PCLO: variants seen among roughly 807,000 people sequenced by gnomAD.
The protein encoded by PCLO is protein piccolo.
Under a neutral mutation model 427.5 loss-of-function variants are expected in PCLO, and 82 were observed. The ratio of observed to expected loss-of-function variants is 0.19; its 90% confidence interval spans 0.16 to 0.23. The LOEUF (loss-of-function observed/expected upper bound fraction) is 0.23. Ranked by LOEUF, PCLO falls within the 10% of genes least tolerant of loss-of-function variation. The pLI, the probability that PCLO is intolerant of heterozygous loss-of-function variation, is 1.00. For missense variants in PCLO, 6,239 were observed against 6,115.9 expected (o/e 1.02, Z -0.67); for synonymous variants, 2,357 against 2,155.4 (o/e 1.09, Z -2.59).
intron 3 of PCLO, among the ~76,000 whole-genome samples, chr7:83,092,088 A>G (rs1790391610): frequency 6.6e-6 from 1 of 152,206 alleles, no homozygotes; most frequent in African/African-American, 2.4e-5. Context: ...ATGAATTTTT[A>G]AAATTCAACT....
In PCLO at chr7:82,916,552, G is replaced by A; in HGVS notation, c.11434C>T (p.Leu3812=). 6.2e-7 allele frequency: 1 copy of A among 1,613,556 alleles called. No homozygotes were observed. Among genetic ancestry groups the A allele is most frequent in the South Asian group, 1.1e-5 (1 of 91,084 alleles). The change falls in exon 7 of 25, where the codon CTA becomes TTA. Residue 3812 remains leucine (L), a synonymous_variant. Transcript: ENST00000333891. ...TCTCTCTTTTCTCTCTCCTTTAATA[G>A]GGCCTCTTTCCTCCTGTTAATTCCC... ...EMGINRRKEA[L]LKEREKRERA...
intron 3 of PCLO, among the ~76,000 whole-genome samples, chr7:83,083,365 T>C (rs931899427): frequency 1.3e-5 from 2 of 151,988 alleles, no homozygotes; most frequent in African/African-American, 4.8e-5. Flanking sequence ...TTAAACAGTA[T>C]ACACAAAAAG....
chr7:82,901,331 C>T (rs144821750), intron 9 of PCLO, among the ~76,000 whole-genome samples: 41 of 151,940 alleles, frequency 2.7e-4, no homozygotes, highest in African/African-American at 8.7e-4. Context: ...AATGTCAGTA[C>T]ATATGTAAAT....
intron 10 of PCLO, among the ~76,000 whole-genome samples, chr7:82,861,072 A>T (rs958132089): frequency 7.2e-5 from 11 of 151,934 alleles, no homozygotes; most frequent in African/African-American, 2.2e-4. Flanking sequence ...CCAGAAAATA[A>T]ACAACAAAAT....
At chr7:83,097,286 G>A (rs1197514047) in intron 3 of PCLO, among the ~76,000 whole-genome samples, 1 of 141,356 alleles carries the variant, frequency 7.1e-6, no homozygotes, top group Non-Finnish European at 1.5e-5. Flanking sequence ...ACTTTGGGAG[G>A]CTGAGGTGGG....
At chr7:82,969,773 TGG>T (rs1795860430) in intron 3 of PCLO, among the ~76,000 whole-genome samples, 2 of 152,018 alleles carry the variant, frequency 1.3e-5, no homozygotes, top group Non-Finnish European at 2.9e-5. Flanking sequence ...AAATAAAGCA[TGG>T]GTGAAAATAA....
At chr7:83,034,748 C>T (rs1034781372) in intron 3 of PCLO, among the ~76,000 whole-genome samples, 2 of 152,158 alleles carry the variant, frequency 1.3e-5, no homozygotes, top group Non-Finnish European at 2.9e-5. Flanking sequence ...GCAGTATCTA[C>T]ACTTTATTTT....
intron 12 of PCLO, 64 bp downstream of exon 12, chr7:82,846,503 C>T (rs910466246): frequency 1.0e-6 from 1 of 968,598 alleles, no homozygotes; most frequent in Non-Finnish European, 1.6e-6. Context: ...ATTACATCTG[C>T]CTCTGCAATT....
chr7:83,086,133 G>A (rs76046070), intron 3 of PCLO, among the ~76,000 whole-genome samples: 34,904 of 148,992 alleles, frequency 0.23, 4,593 homozygotes, highest in East Asian at 0.56. Flanking sequence ...TTTTTGAGAC[G>A]GAGTCTTGCG....
At chr7:82,775,202 T>A (rs1358770285) in intron 22 of PCLO, among the ~76,000 whole-genome samples, 1 of 152,220 alleles carries the variant, frequency 6.6e-6, no homozygotes, top group East Asian at 1.9e-4. Context: ...TAAACATCCA[T>A]GGGCAGGTTT....
intron 4 of PCLO, among the ~76,000 whole-genome samples, chr7:82,959,346 G>A (rs777886300): frequency 6.6e-6 from 1 of 152,124 alleles, no homozygotes; most frequent in Non-Finnish European, 1.5e-5. Context: ...TTACAGGCGT[G>A]AGCCACCGTG....
intron 6 of PCLO, among the ~76,000 whole-genome samples, chr7:82,948,380 C>A (rs1321616199): frequency 6.6e-6 from 1 of 151,950 alleles, no homozygotes; most frequent in Non-Finnish European, 1.5e-5. Flanking sequence ...CCATTGATGT[C>A]TATATACCTA....
chr7:83,013,345 T>C (rs1788131252), intron 3 of PCLO, among the ~76,000 whole-genome samples: 1 of 152,324 alleles, frequency 6.6e-6, no homozygotes, highest in Middle Eastern at 3.4e-3. Flanking sequence ...TATTACATGA[T>C]ACCTTATGAA....
At chr7:83,016,265 A>G (rs1269256690) in intron 3 of PCLO, among the ~76,000 whole-genome samples, 3 of 152,194 alleles carry the variant, frequency 2.0e-5, no homozygotes, top group South Asian at 2.1e-4. Context: ...AAATGGGGGA[A>G]AAAAAAACAA....
At chr7:83,118,874 T>G (rs1791202261) in intron 3 of PCLO, among the ~76,000 whole-genome samples, 1 of 152,070 alleles carries the variant, frequency 6.6e-6, no homozygotes, top group East Asian at 1.9e-4. Context: ...TGAGACACCA[T>G]CTGGGGGAAA....
chr7:83,135,593 C>A lies in PCLO; in HGVS notation c.1957G>T (p.Val653Phe). Reference protein sequence around the residue: ...KRALGGDLAPVPSSPQPKLKT... With the variant: ...KRALGGDLAPFPSSPQPKLKT... The stretch of plus-strand genomic sequence containing the variant: ...AGTTTGGGCTGGGGTGATGACGGAA[C>A]TGGAGCCAGATCCCCGCCTAGAGCT... The change falls in exon 3 of 25, where the codon GTT (valine) becomes TTT (phenylalanine). Residue 653 changes from valine (V) to phenylalanine (F), a missense_variant. Physicochemically the swap from Val to Phe is conservative, Grantham distance 50. Around this residue, in one of 5 missense-constraint regions of PCLO, gnomAD observed 4,677 missense variants for 4,468.4 expected, o/e 1.05. Transcript: ENST00000333891. The A allele has an allele frequency of 6.2e-7, 1 of 1,613,104 alleles. No homozygotes were observed. Among genetic ancestry groups the A allele is most frequent in the Non-Finnish European group, 8.5e-7 (1 of 1,179,576 alleles).
intron 3 of PCLO, among the ~76,000 whole-genome samples, chr7:83,026,505 G>T (rs1429440388): frequency 6.6e-6 from 1 of 151,892 alleles, no homozygotes; most frequent in Non-Finnish European, 1.5e-5. Context: ...CATTAATAAT[G>T]GGAGACTTTA....
chr7:82,786,021 G>A (rs1157260226), intron 22 of PCLO, among the ~76,000 whole-genome samples: 1 of 152,190 alleles, frequency 6.6e-6, no homozygotes, highest in Non-Finnish European at 1.5e-5. Context: ...TAAAAGAGAT[G>A]TGAAGATGAT....
chr7:83,076,044 T>C (rs1789942507), intron 3 of PCLO, among the ~76,000 whole-genome samples: 1 of 151,904 alleles, frequency 6.6e-6, no homozygotes. Flanking sequence ...TGGCTAGTAA[T>C]GCTTTGTATT....
Sources: allele counts gnomAD v4.1 joint callset (sites outside exome capture counted in the v4.1 genomes callset), GRCh38; gene constraint gnomAD v4.1.1; regional missense constraint gnomAD v4.1.1; transcripts MANE v1.5; gene names NCBI Gene and HGNC (gene_info 2026-07-23, HGNC 2026-07-21).